The following KIAA0513 variants were observed in gnomAD, a reference collection of about 807,000 sequenced individuals.
KIAA0513 encodes the protein KIAA0513.
In KIAA0513, 39 loss-of-function variants were observed where a neutral mutation model predicts 56.5. The ratio of observed to expected loss-of-function variants is 0.69; its 90% CI spans 0.53 to 0.90. The LOEUF is 0.90. KIAA0513 is among the 40% of genes least tolerant of loss of function. The pLI is 0.00. For missense variants in KIAA0513, 591 were observed against 535.2 expected, an observed-to-expected ratio of 1.10 and a Z score of -1.03; for synonymous variants, 268 against 215.6, an observed-to-expected ratio of 1.24 and a Z score of -2.13.
chr16:85,049,391 CACCT>C (rs1007060255), intron 1 of KIAA0513, among the ~76,000 whole-genome samples: 1 of 152,240 alleles, frequency 6.6e-6, no homozygotes, highest in Non-Finnish European at 1.5e-5. Flanking sequence ...GTTCCACCCT[CACCT>C]ACCTTGGGTT....
chr16:85,032,222 G>C (rs1000650266), intron 1 of KIAA0513, among the ~76,000 whole-genome samples: 2 of 152,206 alleles, frequency 1.3e-5, no homozygotes, highest in African/African-American at 4.8e-5. Context: ...TGGCCACATG[G>C]CCTACTTGTC....
At chr16:85,028,015 G>A (rs1350481692) in intron 1 of KIAA0513, among the ~76,000 whole-genome samples, 157 bp downstream of exon 1, 1 of 151,954 alleles carries the variant, frequency 6.6e-6, no homozygotes, top group Non-Finnish European at 1.5e-5. Context: ...TCCGCGGGGC[G>A]AGCGGGGGCG....
At chr16:85,058,748 G>T (rs553491435) in intron 1 of KIAA0513, among the ~76,000 whole-genome samples, 3 of 152,106 alleles carry the variant, frequency 2.0e-5, no homozygotes, top group Non-Finnish European at 4.4e-5. Flanking sequence ...TATAGATCTT[G>T]TTAGAGACCT....
At chr16:85,063,357 C>G (rs948395768) in intron 1 of KIAA0513, 22 of 152,398 alleles carry the variant, frequency 1.4e-4, no homozygotes, top group African/African-American at 5.0e-4. Flanking sequence ...CCTCCACCTC[C>G]CCGGTTCAAG....
chr16:85,081,437 A>G lies in KIAA0513; in HGVS notation c.980+45A>G. On this transcript the variant is annotated intron_variant, in intron 9 of 12. Coordinates refer to ENST00000683363, the MANE Select transcript of KIAA0513 (RefSeq NM_001388359.1). The surrounding 1 kb of genome is among the most constrained non-coding windows in gnomAD (Gnocchi z 4.4). ...CCATTTGGCCTCAGGAAAAAGGACC[A>G]GGGAGTGGCTTTATTTCCCGGTTTC... 1 of 1,486,774 alleles carries G rather than the reference A, an allele frequency of 6.7e-7. No individual in the cohort carries two copies. Among genetic ancestry groups the G allele is most frequent in the Non-Finnish European group, 9.2e-7 (1 of 1,087,758 alleles). 92.1% of individuals were successfully genotyped at this position (1,486,774 alleles called of 1,614,324 possible).
chr16:85,043,323 G>A lies in KIAA0513; in HGVS notation c.-173+15465G>A, dbSNP rs140404998. The stretch of plus-strand genomic sequence containing the variant: ...CGCACTGAAACAACCTCCAGCCTCC[G>A]TCTATGGTGCACACCGATGAGGCGT... On this transcript the variant is annotated intron_variant, in intron 1 of 12. Transcript: ENST00000683363. 5.3e-5 allele frequency among the ~76,000 whole-genome samples: 8 copies of A among 151,166 alleles called. No homozygotes were observed. In the East Asian group the frequency reaches 1.2e-3, roughly 22 times the overall value.
At chr16:85,084,274 T>C (rs1488207171) in intron 10 of KIAA0513, among the ~76,000 whole-genome samples, 1 of 145,356 alleles carries the variant, frequency 6.9e-6, no homozygotes, top group Non-Finnish European at 1.5e-5. Context: ...AGACAGACTT[T>C]TGCTCTTGTT....
At chr16:85,055,423 A>C (rs1398192919) in intron 1 of KIAA0513, among the ~76,000 whole-genome samples, 1 of 152,252 alleles carries the variant, frequency 6.6e-6, no homozygotes. Flanking sequence ...ATGAAATTAC[A>C]CATTGTTTAG....
chr16:85,058,019 A>G (rs2073353712), intron 1 of KIAA0513, among the ~76,000 whole-genome samples: 1 of 152,148 alleles, frequency 6.6e-6, no homozygotes, highest in Non-Finnish European at 1.5e-5. Flanking sequence ...TCTGTGTCTG[A>G]GGGAATAAAG....
intron 1 of KIAA0513, among the ~76,000 whole-genome samples, chr16:85,060,473 G>A (rs1179724102): frequency 1.3e-5 from 2 of 152,170 alleles, no homozygotes; most frequent in Non-Finnish European, 2.9e-5. Context: ...CACCCTTCAC[G>A]GACAGCAGGA....
intron 1 of KIAA0513, among the ~76,000 whole-genome samples, chr16:85,032,754 C>T (rs1293022457): frequency 6.6e-6 from 1 of 152,080 alleles, no homozygotes; most frequent in Non-Finnish European, 1.5e-5. Flanking sequence ...CCTCAGCCTC[C>T]CGAGTAGCTG....
At chr16:85,050,124 C>G (rs2073229494) in intron 1 of KIAA0513, among the ~76,000 whole-genome samples, 1 of 151,922 alleles carries the variant, frequency 6.6e-6, no homozygotes, top group African/African-American at 2.4e-5. Context: ...GTAAACAACC[C>G]CTCACCCTGC....
intron 1 of KIAA0513, among the ~76,000 whole-genome samples, chr16:85,056,880 T>C (rs577028337): frequency 5.9e-5 from 9 of 152,258 alleles, no homozygotes; most frequent in African/African-American, 1.7e-4. Context: ...ATGTTTTAAA[T>C]ATTTTGTAGA....
At chr16:85,083,540 G>A (rs2073773340) in intron 10 of KIAA0513, among the ~76,000 whole-genome samples, 1 of 152,186 alleles carries the variant, frequency 6.6e-6, no homozygotes, top group Admixed American at 6.5e-5. Flanking sequence ...CCAGGAACGA[G>A]TCAGCCCCAC....
intron 3 of KIAA0513, among the ~76,000 whole-genome samples, chr16:85,072,361 A>G (rs954205285): frequency 8.5e-5 from 13 of 152,216 alleles, no homozygotes; most frequent in African/African-American, 2.9e-4. Flanking sequence ...TTATTAACCC[A>G]TAATACTCAG....
At chr16:85,036,108 C>A (rs1204775805) in intron 1 of KIAA0513, among the ~76,000 whole-genome samples, 3 of 152,142 alleles carry the variant, frequency 2.0e-5, no homozygotes, top group African/African-American at 7.2e-5. Context: ...AACCACCACA[C>A]CTGGCCTGCT....
At chr16:85,044,175 A>C (rs767329817) in intron 1 of KIAA0513, among the ~76,000 whole-genome samples, 11 of 152,264 alleles carry the variant, frequency 7.2e-5, no homozygotes, top group Non-Finnish European at 1.0e-4. Flanking sequence ...GTCACTCATT[A>C]AGTTCTCTGT....
chr16:85,079,190 T>A (rs933325782), intron 8 of KIAA0513, 187 bp downstream of exon 8: 15 of 1,277,992 alleles, frequency 1.2e-5, no homozygotes, highest in Non-Finnish European at 1.5e-5. Context: ...GGAGCTCTCC[T>A]GTATGGCTAG....
chr16:85,078,230 G>A (rs1239544458), intron 6 of KIAA0513, among the ~76,000 whole-genome samples, 185 bp from the exon 7 acceptor site: 1 of 152,194 alleles, frequency 6.6e-6, no homozygotes, highest in Non-Finnish European at 1.5e-5. Flanking sequence ...AAACCTCAAT[G>A]CCACATTTCC....
Sources: allele counts gnomAD v4.1 joint callset (sites outside exome capture counted in the v4.1 genomes callset), GRCh38; gene constraint gnomAD v4.1.1; non-coding constraint Gnocchi (gnomAD v3.1); transcripts MANE v1.5; gene names NCBI Gene and HGNC (gene_info 2026-07-23, HGNC 2026-07-21).